The following ME1 variants were observed in gnomAD, a reference collection of about 807,000 sequenced individuals.
ME1 encodes malic enzyme 1.
ME1 carries 74 observed loss-of-function variants against 66.4 expected under a neutral mutation model. The ratio of observed to expected loss-of-function variants is 1.11; its 90% CI spans 0.92 to 1.35. The LOEUF is 1.35. ME1 is among the 40% of genes most tolerant of loss of function. The probability of loss-of-function intolerance (pLI) is 0.00; values close to 1 mark genes in which losing one functional copy is unlikely to be tolerated. For synonymous variants in ME1, 251 were observed against 235.6 expected (o/e 1.07, Z -0.60); for missense variants, 750 against 694.1 (o/e 1.08, Z -0.90).
intron 1 of ME1, among the ~76,000 whole-genome samples, chr6:83,423,459 T>C (rs1294288100): frequency 6.6e-6 from 1 of 151,924 alleles, no homozygotes; most frequent in Admixed American, 6.6e-5. Context: ...CTCTAATAGA[T>C]TATCCTTTCC....
intron 3 of ME1, chr6:83,392,419 G>T: frequency 2.1e-6 from 1 of 485,710 alleles, no homozygotes; most frequent in South Asian, 1.5e-5. Flanking sequence ...AGACACCATG[G>T]TGAAGGTGAA....
chr6:83,221,189 T>C (rs1460828200), intron 12 of ME1, among the ~76,000 whole-genome samples: 2 of 151,320 alleles, frequency 1.3e-5, no homozygotes, highest in Admixed American at 6.6e-5. Flanking sequence ...AATTTAGTTA[T>C]AAAGGCAACA....
rs772732769 is a variant in ME1, at chr6:83,246,655, T to G, written c.814+6974A>C. Among the ~76,000 whole-genome samples the G allele has an allele frequency of 1.4e-3, 207 of 152,110 alleles. 4 individuals carry two copies. The highest frequency in any genetic ancestry group is 9.1e-4 in the Non-Finnish European group (62 of 67,968). On this transcript the variant is annotated intron_variant, in intron 7 of 13. Transcript: ENST00000369705. ...TTTTAGATATTTAGAGGATTCTGAT[T>G]ATTTGCTATTAAAAATAGCATTGCA... is the stretch of plus-strand genomic sequence containing the variant.
chr6:83,304,867 A>AT, intron 6 of ME1, among the ~76,000 whole-genome samples: 1 of 152,288 alleles, frequency 6.6e-6, no homozygotes, highest in East Asian at 1.9e-4. Context: ...AGACTTTGAC[A>AT]TATGTCAGCT....
intron 7 of ME1, among the ~76,000 whole-genome samples, chr6:83,241,327 A>G (rs1396518242): frequency 2.0e-5 from 3 of 152,170 alleles, no homozygotes; most frequent in Non-Finnish European, 4.4e-5. Flanking sequence ...AAGGGTTTCT[A>G]TAAGATTTAA....
chr6:83,278,783 G>A lies in ME1; in HGVS notation c.705-25045C>T, dbSNP rs1767237521. 2.0e-5 allele frequency among the ~76,000 whole-genome samples: 3 copies of A among 152,188 alleles called. No homozygotes were observed. In the South Asian group the frequency reaches 6.2e-4, roughly 32 times the overall value. On this transcript the variant is annotated intron_variant, in intron 6 of 13. Transcript: ENST00000369705. Reference sequence around the variant, plus strand: ...CTATTTATCATTTTTTAAAATGCCAGAGCATTCTGTTCTTCTTAATAGGAC... The same window carrying A: ...CTATTTATCATTTTTTAAAATGCCAAAGCATTCTGTTCTTCTTAATAGGAC...
chr6:83,259,791 C>G (rs938836459), intron 6 of ME1, among the ~76,000 whole-genome samples: 3 of 152,082 alleles, frequency 2.0e-5, no homozygotes, highest in African/African-American at 7.2e-5. Flanking sequence ...CCTTTCATTT[C>G]TCTTACCACT....
chr6:83,429,317 ATTACTC>A (rs1770436690), intron 1 of ME1, among the ~76,000 whole-genome samples: 1 of 152,146 alleles, frequency 6.6e-6, no homozygotes, highest in African/African-American at 2.4e-5. Context: ...AAAGGCAATA[ATTACTC>A]TTGCTCAGGG....
intron 3 of ME1, among the ~76,000 whole-genome samples, chr6:83,373,343 C>T (rs1196350022): frequency 6.6e-6 from 1 of 152,082 alleles, no homozygotes; most frequent in Non-Finnish European, 1.5e-5. Context: ...TTAAGCGATG[C>T]TCCTGCCTCA....
intron 6 of ME1, among the ~76,000 whole-genome samples, chr6:83,287,641 T>G (rs1220969536): frequency 1.3e-5 from 2 of 152,256 alleles, no homozygotes; most frequent in East Asian, 1.9e-4. Flanking sequence ...TATCGTAGAA[T>G]GATGTATAAT....
chr6:83,323,117 T>C (rs1016318057), intron 5 of ME1, among the ~76,000 whole-genome samples: 2 of 152,150 alleles, frequency 1.3e-5, no homozygotes, highest in Non-Finnish European at 2.9e-5. Context: ...AGGGATTTTG[T>C]CACCACCAGA....
At chr6:83,255,399 C>G (rs1046609439) in intron 6 of ME1, among the ~76,000 whole-genome samples, 3 of 151,722 alleles carry the variant, frequency 2.0e-5, no homozygotes, top group African/African-American at 7.3e-5. Flanking sequence ...TTGTTTTCAC[C>G]AAATAAATTT....
At chr6:83,248,724 G>T (rs1214514776) in intron 7 of ME1, among the ~76,000 whole-genome samples, 2 of 152,150 alleles carry the variant, frequency 1.3e-5, no homozygotes, top group African/African-American at 4.8e-5. Flanking sequence ...TGTGAAGAAG[G>T]TGCTTGCTTC....
At chr6:83,282,773 G>A (rs1430623491) in intron 6 of ME1, among the ~76,000 whole-genome samples, 2 of 152,186 alleles carry the variant, frequency 1.3e-5, no homozygotes, top group South Asian at 2.1e-4. Flanking sequence ...ATATCCAAAG[G>A]ACTATAAATC....
chr6:83,326,020 C>T (rs1289153732), intron 5 of ME1, among the ~76,000 whole-genome samples: 1 of 149,364 alleles, frequency 6.7e-6, no homozygotes, highest in East Asian at 2.0e-4. Context: ...GCTACAGTAA[C>T]CCAAACAGCA....
At chr6:83,223,602 A>G (rs1790132178) in intron 12 of ME1, among the ~76,000 whole-genome samples, 158 bp downstream of exon 12, 1 of 152,224 alleles carries the variant, frequency 6.6e-6, no homozygotes, top group Non-Finnish European at 1.5e-5. Context: ...GTCAGTATGA[A>G]CATGCTACCC....
At chr6:83,376,631 T>A (rs1188996000) in intron 3 of ME1, among the ~76,000 whole-genome samples, 4 of 138,578 alleles carry the variant, frequency 2.9e-5, no homozygotes, top group Admixed American at 7.5e-5. Flanking sequence ...CGAAACTCCA[T>A]CTCTGTCAAA....
At chr6:83,217,039 C>CAAA (rs1790006636) in intron 12 of ME1, among the ~76,000 whole-genome samples, 1 of 152,170 alleles carries the variant, frequency 6.6e-6, no homozygotes, top group South Asian at 2.1e-4. Context: ...GGAGGTAGAG[C>CAAA]AAAAGGCTGA....
intron 3 of ME1, among the ~76,000 whole-genome samples, chr6:83,370,491 T>C (rs963529276): frequency 2.0e-5 from 3 of 152,038 alleles, no homozygotes; most frequent in African/African-American, 4.8e-5. Flanking sequence ...TTGAAAAACA[T>C]AGAAATATCC....
Sources: gnomAD v4.1 joint callset for allele counts (sites outside exome capture counted in the v4.1 genomes callset) on GRCh38, gnomAD v4.1.1 for gene constraint, MANE v1.5 for transcripts, NCBI Gene and HGNC (gene_info 2026-07-23, HGNC 2026-07-21) for gene names.